The following IRX2 variants were observed in gnomAD, a reference collection of about 807,000 sequenced individuals.
IRX2 encodes the protein iroquois homeobox 2.
IRX2 carries 26 observed loss-of-function variants against 42.9 expected under a neutral mutation model. The ratio of observed to expected loss-of-function variants is 0.61; its 90% CI spans 0.44 to 0.84. The LOEUF (loss-of-function observed/expected upper bound fraction) is 0.84, where lower values mean the gene tolerates loss of function less well. Ranked by LOEUF, IRX2 falls within the 40% of genes least tolerant of loss-of-function variation. IRX2 has a pLI of 0.00. For missense variants in IRX2, 782 were observed against 713.9 expected, an observed-to-expected ratio of 1.10 and a Z score of -1.09; for synonymous variants, 424 against 353.9, an observed-to-expected ratio of 1.20 and a Z score of -2.22.
At chr5:2,748,201 C>A (rs1177153014) in intron 3 of IRX2, 144 bp downstream of exon 3, 5 of 658,138 alleles carry the variant, frequency 7.6e-6, no homozygotes, top group Non-Finnish European at 1.1e-5. Flanking sequence ...TCTCGCCCTC[C>A]GCCCTCACTC....
rs1737850790 is a variant in IRX2 at position 2,749,566 on chromosome 5, G to A, written c.471C>T (p.Thr157=). 2 of 1,614,242 alleles carry A rather than the reference G, an allele frequency of 1.2e-6. No homozygotes were observed. The highest frequency in any genetic ancestry group is 2.7e-5 in the African/African-American group (2 of 75,062). Residue 157 remains threonine, a synonymous_variant, in exon 2 of 4, where the codon ACC becomes ACT. Coordinates refer to ENST00000302057, the MANE Select transcript of IRX2 (RefSeq NM_033267.5). ...KIMLAIITKM[T]LTQVSTWFAN... ...CGAACCAGGTGGAGACCTGGGTGAG[G>A]GTCATCTTGGTGATGATGGCTAGCA...
chr5:2,739,018 G>C, the IRX2 span, among the ~76,000 whole-genome samples: 5 of 152,316 alleles, frequency 3.3e-5, no homozygotes, highest in East Asian at 9.7e-4. Flanking sequence ...CATCCCGGCC[G>C]CTGACTCCGC....
chr5:2,745,464 G>C (rs1737637784), downstream of IRX2, among the ~76,000 whole-genome samples: 1 of 152,092 alleles, frequency 6.6e-6, no homozygotes, highest in South Asian at 2.1e-4. Flanking sequence ...AATCAAAGGG[G>C]ATATGTTACT....
At chr5:2,749,263 G>C in intron 2 of IRX2, 119 bp downstream of exon 2, 5 of 1,456,162 alleles carry the variant, frequency 3.4e-6, no homozygotes, top group Non-Finnish European at 4.5e-6. Context: ...AATGTGGTGC[G>C]GCTGGGGCTC....
downstream of IRX2, among the ~76,000 whole-genome samples, chr5:2,744,025 T>C (rs1307652476): frequency 2.6e-5 from 4 of 152,004 alleles, no homozygotes; most frequent in African/African-American, 4.8e-5. Flanking sequence ...CTGAGCTGCT[T>C]TGAGTTTTCA....
At chr5:2,750,535 G>C (rs998985177) in intron 1 of IRX2, among the ~76,000 whole-genome samples, 2 of 152,202 alleles carry the variant, frequency 1.3e-5, no homozygotes, top group Non-Finnish European at 2.9e-5. Flanking sequence ...AGCTGCGCTC[G>C]GGCCACGGAG....
At position 2,748,754 on chromosome 5, in the gene IRX2, C is replaced by T; in HGVS notation, c.954G>A (p.Pro318=). ...RKTPQGSRTS[P]GAPPPASKPK... is the part of the protein sequence containing the mutation. ...GCTTGCTGGCGGGGGGCGGCGCGCC[C>T]GGAGACGTCCGGCTGCCCTGGGGCG... The change falls in exon 3 of 4, where the codon CCG becomes CCA. Residue 318 remains proline (P), a synonymous_variant. Transcript: ENST00000302057. The T allele has an allele frequency of 1.5e-6, 2 of 1,361,742 alleles. No homozygotes were observed. The highest frequency in any genetic ancestry group is 1.9e-6 in the Non-Finnish European group (2 of 1,065,566). 84.4% of individuals were successfully genotyped at this position (1,361,742 alleles called of 1,614,324 possible). A position where few individuals can be genotyped will look rare whatever the true frequency, so the allele number is the denominator to read the frequency against.
chr5:2,749,113 T>TC, intron 2 of IRX2, 61 bp from the exon 3 acceptor site: 1 of 1,559,182 alleles, frequency 6.4e-7, no homozygotes, highest in African/African-American at 1.4e-5. Context: ...TGGAGCCCCC[T>TC]CCGCCCCCTG....
downstream of IRX2, among the ~76,000 whole-genome samples, chr5:2,742,344 G>T (rs532134285): frequency 2.6e-5 from 4 of 152,304 alleles, no homozygotes; most frequent in Admixed American, 2.6e-4. Flanking sequence ...TCAGCAACTG[G>T]AAAATTATAT....
Position 2,747,366 on chromosome 5 carries a change from A to G in IRX2, c.*198T>C. The stretch of plus-strand genomic sequence containing the variant: ...TAAAGGAGTGATAGAACTTGTGCCA[A>G]AAAGAGGGAATCTATAAAACAGAAA... On this transcript the variant is annotated 3_prime_UTR_variant, in exon 4 of 4. Transcript: ENST00000302057. 2.0e-6 allele frequency: 1 copy of G among 498,362 alleles called. No homozygotes were observed. 30.9% of individuals were successfully genotyped at this position (498,362 alleles called of 1,614,324 possible). A position where few individuals can be genotyped will look rare whatever the true frequency, so the allele number is the denominator to read the frequency against.
intron 1 of IRX2, 72 bp from the exon 2 acceptor site, chr5:2,749,859 C>T (rs1309810152): frequency 2.8e-6 from 4 of 1,454,166 alleles, no homozygotes; most frequent in African/African-American, 2.8e-5. Flanking sequence ...GATGCCACCC[C>T]TCCGCCCGCC....
the IRX2 span, among the ~76,000 whole-genome samples, chr5:2,740,185 G>A: frequency 4.6e-5 from 7 of 151,746 alleles, no homozygotes; most frequent in Non-Finnish European, 1.0e-4. Context: ...TGGCGTGCGG[G>A]GGCGGGGGTC....
chr5:2,750,100 G>A (rs1737880895), intron 1 of IRX2, among the ~76,000 whole-genome samples: 1 of 152,120 alleles, frequency 6.6e-6, no homozygotes, highest in Non-Finnish European at 1.5e-5. Context: ...GCGCACACAG[G>A]CCCACAGGTA....
Position 2,751,332 on chromosome 5 carries a change from A to G in IRX2, c.82T>C (p.Leu28=). Residue 28 remains leucine, a synonymous_variant, in exon 1 of 4, where the codon TTG becomes CTG. Coordinates refer to ENST00000302057, the MANE Select transcript of IRX2 (RefSeq NM_033267.5). The surrounding 1 kb of genome is among the most constrained non-coding windows in gnomAD (Gnocchi z 4.0). ...YSCPAYGASA[L]AAPRSEELAR... Reference sequence around the variant, plus strand: ...AGCTCCTCGCTGCGCGGAGCCGCCAAAGCCGACGCGCCGTAGGCCGGGCAC... The same window carrying G: ...AGCTCCTCGCTGCGCGGAGCCGCCAGAGCCGACGCGCCGTAGGCCGGGCAC... 1.4e-6 allele frequency: 2 copies of G among 1,439,210 alleles called. No individual in the cohort carries two copies. Among genetic ancestry groups the G allele is most frequent in the Non-Finnish European group, 1.8e-6 (2 of 1,096,644 alleles). 89.2% of individuals were successfully genotyped at this position (1,439,210 alleles called of 1,614,324 possible).
At chr5:2,738,854 G>A in the IRX2 span, among the ~76,000 whole-genome samples, 1 of 152,230 alleles carries the variant, frequency 6.6e-6, no homozygotes, top group Non-Finnish European at 1.5e-5. Flanking sequence ...AGAGGTCGCG[G>A]AGGGTGAAGC....
rs773758165 is a variant in IRX2 at position 2,748,462 on chromosome 5, C to T, written c.1246G>A (p.Ala416Thr). The change falls in exon 3 of 4, where the codon GCC (alanine) becomes ACC (threonine). Residue 416 changes from alanine (A) to threonine (T), a missense_variant. Transcript: ENST00000302057. ...GLLRYNSAAA[A>T]PGEALHTAPK... ...GCGGTGTGCAGGGCCTCGCCGGGGG[C>T]CGCGGCCGCAGAGTTGTACCGCAGG... 1 of 1,570,904 alleles carries T rather than the reference C, an allele frequency of 6.4e-7. No individual in the cohort carries two copies. Among genetic ancestry groups the T allele is most frequent in the Non-Finnish European group, 8.6e-7 (1 of 1,162,162 alleles).
At chr5:2,743,469 T>C (rs530735914), downstream of IRX2, among the ~76,000 whole-genome samples, 8 of 151,256 alleles carry the variant, frequency 5.3e-5, no homozygotes, top group African/African-American at 1.7e-4. Flanking sequence ...AAATCAGCTC[T>C]AAGGAAACCC....
In IRX2 at chr5:2,747,425, A is replaced by T; in HGVS notation, c.*139T>A. On this transcript the variant is annotated 3_prime_UTR_variant, in exon 4 of 4. Transcript: ENST00000302057. ...TCCCCCTTAAGGAAAGAAAAGCTGGACAAGATTGAAATGCTCTGTCTTCTA... is the reference window on the plus strand; with the variant it reads ...TCCCCCTTAAGGAAAGAAAAGCTGGTCAAGATTGAAATGCTCTGTCTTCTA... The T allele has an allele frequency of 1.6e-6, 1 of 629,038 alleles. No individual in the cohort carries two copies. The highest frequency in any genetic ancestry group is 2.8e-6 in the Non-Finnish European group (1 of 360,286). 39.0% of individuals were successfully genotyped at this position (629,038 alleles called of 1,614,324 possible). A position where few individuals can be genotyped will look rare whatever the true frequency, so the allele number is the denominator to read the frequency against.
chr5:2,750,230 C>T (rs1579630514), intron 1 of IRX2, among the ~76,000 whole-genome samples: 1 of 152,218 alleles, frequency 6.6e-6, no homozygotes, highest in African/African-American at 2.4e-5. Flanking sequence ...CTATTCACTG[C>T]TCTAAAGCTG....
Sources: allele counts gnomAD v4.1 joint callset (sites outside exome capture counted in the v4.1 genomes callset), GRCh38; gene constraint gnomAD v4.1.1; non-coding constraint Gnocchi (gnomAD v3.1); transcripts MANE v1.5; gene names NCBI Gene and HGNC (gene_info 2026-07-23, HGNC 2026-07-21).